Variants in ADCY2 observed in about 807,000 individuals in gnomAD.
ADCY2 encodes adenylate cyclase 2.
ADCY2 carries 31 observed loss-of-function variants against 125.2 expected under a neutral mutation model. The ratio of observed to expected loss-of-function variants is 0.25; its 90% confidence interval spans 0.19 to 0.33. ADCY2 has a LOEUF of 0.33. Ranked by LOEUF, ADCY2 falls within the 10% of genes least tolerant of loss-of-function variation. ADCY2 has a pLI of 1.00. For missense variants in ADCY2, 904 were observed against 1,418.2 expected, an observed-to-expected ratio of 0.64 and a Z score of 5.82; for synonymous variants, 512 against 548.4, an observed-to-expected ratio of 0.93 and a Z score of 0.93.
At chr5:7,413,920 C>T (rs571132658) in intron 1 of ADCY2, among the ~76,000 whole-genome samples, 3 of 151,970 alleles carry the variant, frequency 2.0e-5, no homozygotes, top group Admixed American at 2.0e-4. Context: ...TAATAAATGC[C>T]CATTTTCTTT....
intron 2 of ADCY2, among the ~76,000 whole-genome samples, chr5:7,519,709 C>T (rs1051602788): frequency 6.6e-6 from 1 of 152,156 alleles, no homozygotes; most frequent in Non-Finnish European, 1.5e-5. Context: ...TTTAAGTTGG[C>T]ATTTCCAATG....
rs191725785 is a variant in ADCY2, at chr5:7,432,117, A to G, written c.408+17347A>G. 3.0e-4 allele frequency among the ~76,000 whole-genome samples: 46 copies of G among 152,162 alleles called. No homozygotes were observed. The East Asian group carries it at 8.6e-3, about 28-fold the overall frequency. The stretch of plus-strand genomic sequence containing the variant: ...GACTTCAGAGGGATAGCTGTCTGAC[A>G]GTGTAGCTTTGGAGAGGAGTCCGGC... On this transcript the variant is annotated intron_variant, in intron 2 of 24. Transcript: ENST00000338316.
At chr5:7,589,524 G>GAAAGAAAAGAAAAGAA (rs1554022167) in intron 3 of ADCY2, among the ~76,000 whole-genome samples, 721 of 67,364 alleles carry the variant, frequency 0.011, 5 homozygotes, top group Middle Eastern at 0.019. Flanking sequence ...AGAAAAGAAA[G>GAAAGAAAAGAAAAGAA]AGAAAGAAAG....
intron 12 of ADCY2, among the ~76,000 whole-genome samples, chr5:7,724,023 A>C (rs1276614954): frequency 6.7e-6 from 1 of 149,050 alleles, no homozygotes; most frequent in African/African-American, 2.5e-5. Context: ...TATTTTCACT[A>C]AGTCTGAAAG....
chr5:7,748,063 T>A (rs1742684916), intron 15 of ADCY2, among the ~76,000 whole-genome samples: 1 of 152,222 alleles, frequency 6.6e-6, no homozygotes, highest in Non-Finnish European at 1.5e-5. Flanking sequence ...CCTGGCATCC[T>A]GATGTTCTCA....
chr5:7,784,651 A>G (rs1744028554), intron 19 of ADCY2, among the ~76,000 whole-genome samples: 1 of 152,184 alleles, frequency 6.6e-6, no homozygotes, highest in Non-Finnish European at 1.5e-5. Context: ...CGTATTTTCC[A>G]CAAAAGGCAA....
chr5:7,672,897 C>T (rs1319315528), intron 4 of ADCY2, among the ~76,000 whole-genome samples: 1 of 151,906 alleles, frequency 6.6e-6, no homozygotes, highest in Non-Finnish European at 1.5e-5. Context: ...GGTATGCCAG[C>T]CCCTGCTCTG....
chr5:7,741,828 C>T (rs1742439897), intron 14 of ADCY2, among the ~76,000 whole-genome samples: 1 of 151,512 alleles, frequency 6.6e-6, no homozygotes, highest in South Asian at 2.1e-4. Flanking sequence ...TCACCATCAT[C>T]ACCATCCTCA....
chr5:7,769,578 C>T (rs985849282), intron 17 of ADCY2, among the ~76,000 whole-genome samples: 6 of 152,216 alleles, frequency 3.9e-5, no homozygotes, highest in Admixed American at 2.0e-4. Context: ...ATATATTTCC[C>T]AATTTTTAAC....
intron 2 of ADCY2, among the ~76,000 whole-genome samples, chr5:7,445,138 CAT>C: frequency 6.6e-6 from 1 of 152,268 alleles, no homozygotes; most frequent in Middle Eastern, 3.4e-3. Flanking sequence ...TGTTTGGAGA[CAT>C]ATTTAGGAAG....
chr5:7,662,416 C>G (rs929737026), intron 4 of ADCY2, among the ~76,000 whole-genome samples: 1 of 152,194 alleles, frequency 6.6e-6, no homozygotes, highest in East Asian at 1.9e-4. Context: ...GCTGCTGCCC[C>G]CTCCACGGCA....
chr5:7,756,708 G>T (rs1467340057), intron 15 of ADCY2, among the ~76,000 whole-genome samples: 2 of 152,074 alleles, frequency 1.3e-5, no homozygotes, highest in Non-Finnish European at 2.9e-5. Context: ...TTTTTCCATG[G>T]GTATAGAGTT....
At chr5:7,548,816 A>T (rs1735232645) in intron 3 of ADCY2, among the ~76,000 whole-genome samples, 1 of 152,174 alleles carries the variant, frequency 6.6e-6, no homozygotes, top group South Asian at 2.1e-4. Flanking sequence ...GCCATCTGTG[A>T]TTTGCATACA....
intron 23 of ADCY2, among the ~76,000 whole-genome samples, chr5:7,817,823 CAAAAAAAA>C (rs57731885): frequency 0.014 from 1,123 of 78,244 alleles, 25 homozygotes; most frequent in South Asian, 0.023. Flanking sequence ...ACGCTGTCAC[CAAAAAAAA>C]AAAAAAAAAA....
intron 1 of ADCY2, among the ~76,000 whole-genome samples, chr5:7,405,616 G>T (rs1195771225): frequency 6.6e-6 from 1 of 152,160 alleles, no homozygotes; most frequent in Non-Finnish European, 1.5e-5. Flanking sequence ...TACTGCCCAA[G>T]TCTTTGTTCA....
At chr5:7,519,573 G>A (rs1744369971) in intron 2 of ADCY2, among the ~76,000 whole-genome samples, 2 of 152,068 alleles carry the variant, frequency 1.3e-5, no homozygotes, top group Admixed American at 1.3e-4. Flanking sequence ...TGCTCCTTTT[G>A]TAATGAAAAT....
chr5:7,767,691 C>T (rs1743428578), intron 17 of ADCY2, among the ~76,000 whole-genome samples: 1 of 151,690 alleles, frequency 6.6e-6, no homozygotes, highest in African/African-American at 2.4e-5. Flanking sequence ...TTTTCCCTTC[C>T]CATCATTTAA....
At chr5:7,472,411 A>AT (rs1328041427) in intron 2 of ADCY2, among the ~76,000 whole-genome samples, 4 of 151,980 alleles carry the variant, frequency 2.6e-5, no homozygotes, top group African/African-American at 9.7e-5. Flanking sequence ...ATGTTTATAG[A>AT]TTTTGCCTAC....
At chr5:7,503,947 G>A (rs1488173127) in intron 2 of ADCY2, among the ~76,000 whole-genome samples, 5 of 152,148 alleles carry the variant, frequency 3.3e-5, no homozygotes, top group Admixed American at 1.3e-4. Flanking sequence ...AGACACACCC[G>A]CTCACTGTCC....
Sources: allele counts gnomAD v4.1 joint callset (sites outside exome capture counted in the v4.1 genomes callset), GRCh38; gene constraint gnomAD v4.1.1; transcripts MANE v1.5; gene names NCBI Gene and HGNC (gene_info 2026-07-23, HGNC 2026-07-21).